Variants in FAM234A observed in about 807,000 individuals in gnomAD.
FAM234A encodes the protein protein FAM234A.
In FAM234A, 42 loss-of-function variants were observed where a neutral mutation model predicts 49.1. The ratio of observed to expected loss-of-function variants is 0.86; its 90% CI spans 0.67 to 1.11. The LOEUF (loss-of-function observed/expected upper bound fraction) is 1.11. Ranked by LOEUF, FAM234A falls within the 50% of genes least tolerant of loss-of-function variation. The pLI, the probability that FAM234A is intolerant of heterozygous loss-of-function variation, is 0.00. For missense variants in FAM234A, 815 were observed against 745.2 expected (o/e 1.09, Z -1.09); for synonymous variants, 369 against 316.2 (o/e 1.17, Z -1.77).
At chr16:239,481 G>A (rs2050535343) in intron 1 of FAM234A, among the ~76,000 whole-genome samples, 1 of 150,412 alleles carries the variant, frequency 6.6e-6, no homozygotes, top group Admixed American at 6.7e-5. Context: ...CGGACGTGGT[G>A]GCGGGCACCT....
At chr16:244,414 A>G (rs2050731703) in intron 1 of FAM234A, among the ~76,000 whole-genome samples, 1 of 152,216 alleles carries the variant, frequency 6.6e-6, no homozygotes, top group Non-Finnish European at 1.5e-5. Context: ...AAAAATAAAC[A>G]AAACACTAAA....
chr16:266,131 G>C (rs565867736), downstream of FAM234A: 288 of 961,852 alleles, frequency 3.0e-4, 3 homozygotes, highest in South Asian at 0.01. Flanking sequence ...GCGTGTGTGC[G>C]TCTGCCTGTC....
downstream of FAM234A, among the ~76,000 whole-genome samples, chr16:267,693 TACAC>T (rs1374541543): frequency 6.1e-5 from 9 of 147,366 alleles, no homozygotes; most frequent in Non-Finnish European, 1.0e-4. Flanking sequence ...ACACGTGCAC[TACAC>T]ACAATCACAC....
At chr16:245,753 G>A (rs2050781635) in intron 1 of FAM234A, among the ~76,000 whole-genome samples, 1 of 152,198 alleles carries the variant, frequency 6.6e-6, no homozygotes, top group Non-Finnish European at 1.5e-5. Context: ...CCTGGGCCGA[G>A]GGTTGGACAA....
At position 263,232 on chromosome 16, in the gene FAM234A, G is replaced by A. The variant is rs779434989; in HGVS notation, c.972-30G>A. On this transcript the variant is annotated intron_variant, in intron 8 of 12. Coordinates refer to ENST00000399932, the MANE Select transcript of FAM234A (RefSeq NM_032039.4). Reference sequence around the variant, plus strand: ...GTGCCTGAGGCCGCCCCGGGGACCCGGCGCCCCTTTCTCCCACTCTCCTGT... The same window carrying A: ...GTGCCTGAGGCCGCCCCGGGGACCCAGCGCCCCTTTCTCCCACTCTCCTGT... 17 of 1,603,884 alleles carry A rather than the reference G, an allele frequency of 1.1e-5. No homozygotes were observed. In the East Asian group the frequency reaches 1.8e-4, roughly 17 times the overall value.
intron 3 of FAM234A, among the ~76,000 whole-genome samples, chr16:256,559 ATTTTTATT>A (rs1328404819): frequency 6.6e-6 from 1 of 151,554 alleles, no homozygotes; most frequent in African/African-American, 2.4e-5. Context: ...AAAATAATTT[ATTTTTATT>A]TATTTATTTA....
At chr16:264,592 C>A in intron 11 of FAM234A, 22 bp from the exon 12 acceptor site, 1 of 1,516,676 alleles carries the variant, frequency 6.6e-7, no homozygotes, top group Non-Finnish European at 9.1e-7. Context: ...GGCGTGGGGC[C>A]CATTGCTGGT....
At chr16:267,059 T>C (rs113626738), downstream of FAM234A, among the ~76,000 whole-genome samples, 7,501 of 152,120 alleles carry the variant, frequency 0.049, 238 homozygotes, top group Middle Eastern at 0.088. Flanking sequence ...GAAGTTTCCC[T>C]CCCTGCAGGA....
downstream of FAM234A, chr16:268,915 C>T: frequency 1.3e-6 from 2 of 1,550,526 alleles, no homozygotes; most frequent in Non-Finnish European, 1.7e-6. Context: ...GGCTGATTTA[C>T]TGGTTTTAGA....
Position 264,894 on chromosome 16 carries a change from G to T in FAM234A, c.1531G>T (p.Val511Leu). 2.5e-6 allele frequency: 4 copies of T among 1,613,054 alleles called. No homozygotes were observed. The highest frequency in any genetic ancestry group is 3.4e-6 in the Non-Finnish European group (4 of 1,179,982). ...ADSEAPGLVS[V>L]IKHKVRDLVP... ...CTCAGAGGCACCCGGCCTGGTCTCT[G>T]TGATCAAGCACAAGGTGCGGGACCT... The change falls in exon 13 of 13, where the codon GTG becomes TTG. Residue 511 changes from valine (V) to leucine (L), a missense_variant. By Grantham distance (32) the Val-to-Leu change is conservative. Coordinates refer to ENST00000399932, the MANE Select transcript of FAM234A (RefSeq NM_032039.4).
rs1012568705 is a variant in FAM234A at position 259,399 on chromosome 16, C to T, written c.269-84C>T. The T allele has an allele frequency of 2.6e-5, 20 of 770,910 alleles. No homozygotes were observed. In the East Asian group the frequency reaches 4.9e-4, roughly 19 times the overall value. The allele number at this position is 770,910 out of a possible 1,614,324, so 47.8% of individuals were successfully genotyped here. On this transcript the variant is annotated intron_variant, in intron 3 of 12. Transcript: ENST00000399932. Reference sequence around the variant, plus strand: ...CCTCACAGTGGCAGGTTCCATGTAGCAGAGAAGTAGGTCGTGCTGGACCTG... The same window carrying T: ...CCTCACAGTGGCAGGTTCCATGTAGTAGAGAAGTAGGTCGTGCTGGACCTG...
In FAM234A at chr16:261,499, C is replaced by T. The variant is rs1596841053; in HGVS notation, c.693C>T (p.Thr231=). ...GGGCCCCAGACCTGCTGGTTCTCAC[C>T]CAGGAGCGGGAGGAGGTACATCCCA... ...GDGAPDLLVL[T]QEREEVSGHL... is the part of the protein sequence containing the mutation. The change falls in exon 6 of 13, where the codon ACC becomes ACT. Residue 231 remains threonine (T), a synonymous_variant. Coordinates refer to ENST00000399932, the MANE Select transcript of FAM234A (RefSeq NM_032039.4). 1.2e-6 allele frequency: 2 copies of T among 1,607,522 alleles called. No individual in the cohort carries two copies. Among genetic ancestry groups the T allele is most frequent in the East Asian group, 2.2e-5 (1 of 44,650 alleles).
At chr16:268,043 C>G (rs2051751500), downstream of FAM234A, among the ~76,000 whole-genome samples, 1 of 148,432 alleles carries the variant, frequency 6.7e-6, no homozygotes, top group Admixed American at 6.7e-5. Flanking sequence ...AGTACACCTG[C>G]ACACGGGTGC....
chr16:255,316 TAG>T (rs1373076101), intron 3 of FAM234A, among the ~76,000 whole-genome samples: 2 of 152,214 alleles, frequency 1.3e-5, no homozygotes, highest in Non-Finnish European at 2.9e-5. Flanking sequence ...AGTCAGTTTG[TAG>T]AGTTATGTAG....
Position 263,256 on chromosome 16 carries a change from G to A in FAM234A, c.972-6G>A, listed in dbSNP as rs769252843. 4.3e-6 allele frequency: 7 copies of A among 1,611,950 alleles called. No individual in the cohort carries two copies. In the East Asian group the frequency reaches 1.6e-4, roughly 36 times the overall value. ...CGGCGCCCCTTTCTCCCACTCTCCT[G>A]TCTAGCTCTGGAGCAGTGCGCTACC... is the stretch of plus-strand genomic sequence containing the variant. On this transcript the variant is annotated splice_region_variant and splice_polypyrimidine_tract_variant and intron_variant, in intron 8 of 12. Transcript: ENST00000399932.
chr16:245,894 A>C (rs909791295), intron 1 of FAM234A, among the ~76,000 whole-genome samples: 1 of 152,086 alleles, frequency 6.6e-6, no homozygotes, highest in Non-Finnish European at 1.5e-5. Flanking sequence ...CTTTTAGTTT[A>C]ATGTTTGTTA....
chr16:244,427 G>C (rs1034777517), intron 1 of FAM234A, among the ~76,000 whole-genome samples: 3 of 152,042 alleles, frequency 2.0e-5, no homozygotes, highest in African/African-American at 7.3e-5. Context: ...ACACTAAAAG[G>C]ACTCCTGCCT....
intron 2 of FAM234A, among the ~76,000 whole-genome samples, chr16:251,679 GTTTTTTTTTTT>G (rs1172222528): frequency 1.1e-5 from 1 of 91,146 alleles, no homozygotes; most frequent in African/African-American, 5.3e-5. Flanking sequence ...GCCTAGCCAG[GTTTTTTTTTTT>G]TTTTTTTTTT....
intron 5 of FAM234A, 30 bp downstream of exon 5, chr16:260,190 T>C: frequency 6.2e-7 from 1 of 1,603,564 alleles, no homozygotes; most frequent in Non-Finnish European, 8.5e-7. Context: ...GGGTTCTCAC[T>C]GAGGGCCTCT....
Sources: allele counts gnomAD v4.1 joint callset (sites outside exome capture counted in the v4.1 genomes callset), GRCh38; gene constraint gnomAD v4.1.1; transcripts MANE v1.5; gene names NCBI Gene and HGNC (gene_info 2026-07-23, HGNC 2026-07-21).